The following CCAR2 variants were observed in gnomAD, a reference collection of about 807,000 sequenced individuals.
CCAR2 encodes cell cycle and apoptosis regulator 2.
In CCAR2, 21 loss-of-function variants were observed where a neutral mutation model predicts 108.1. That is an observed-to-expected ratio of 0.19 (90% confidence interval 0.14 to 0.28). The LOEUF is 0.28. Ranked by LOEUF, CCAR2 falls within the 10% of genes least tolerant of loss-of-function variation. The pLI, the probability that CCAR2 is intolerant of heterozygous loss-of-function variation, is 1.00. For synonymous variants in CCAR2, 577 were observed against 472.8 expected, an observed-to-expected ratio of 1.22 and a Z score of -2.86; for missense variants, 1,126 against 1,177.0, an observed-to-expected ratio of 0.96 and a Z score of 0.63.
chr8:22,607,467 G>GTTTT (rs34256757), intron 6 of CCAR2, 142 bp downstream of exon 6: 151 of 403,696 alleles, frequency 3.7e-4, no homozygotes, highest in Middle Eastern at 1.1e-3. Context: ...GGTGTTTAGG[G>GTTTT]TTTTTTTTTT....
chr8:22,607,208 T>A lies in CCAR2; in HGVS notation c.370T>A (p.Ser124Thr). 2 of 1,613,886 alleles carry A rather than the reference T, an allele frequency of 1.2e-6. No individual in the cohort carries two copies. Among genetic ancestry groups the A allele is most frequent in the South Asian group, 2.2e-5 (2 of 91,056 alleles). Reference sequence around the variant, plus strand: ...TCCTGTTCTGCAGCCCCTACTGAAGTCCCCAGCACCTCCTCTTCTGCATGT... The same window carrying A: ...TCCTGTTCTGCAGCCCCTACTGAAGACCCCAGCACCTCCTCTTCTGCATGT... ...QTLSNQPLLK[S>T]PAPPLLHVAA... Residue 124 changes from serine (S) to threonine (T), a missense_variant, in exon 6 of 21, where the codon TCC (serine) becomes ACC (threonine). Around this residue, in one of 4 missense-constraint regions of CCAR2, gnomAD observed 44 missense variants for 63.4 expected, o/e 0.69. Coordinates refer to ENST00000308511, the MANE Select transcript of CCAR2 (RefSeq NM_001393997.1).
chr8:22,615,443 T>A lies in CCAR2; in HGVS notation c.1224T>A (p.Phe408Leu), dbSNP rs748733349. 28 of 1,613,562 alleles carry A rather than the reference T, an allele frequency of 1.7e-5. No individual in the cohort carries two copies. Among genetic ancestry groups the A allele is most frequent in the Non-Finnish European group, 2.3e-5 (27 of 1,179,934 alleles). ...TGTGCAGGTGGCGCTTTGCCGAGTT[T>A]CAGTACCTGCAGCCGGGACCCCCCC... ...GCTKWWRFAE[F>L]QYLQPGPPRR... The change falls in exon 12 of 21, where the codon TTT becomes TTA. Residue 408 changes from phenylalanine to leucine, a missense_variant. Phe to Leu is a conservative substitution (Grantham distance 22). Around this residue, in one of 4 missense-constraint regions of CCAR2, gnomAD observed 1,013 missense variants for 993.9 expected, o/e 1.02. Transcript: ENST00000308511.
chr8:22,618,575 T>TCGGGGA, intron 17 of CCAR2, 42 bp from the exon 18 acceptor site: 2 of 1,613,538 alleles, frequency 1.2e-6, no homozygotes, highest in Non-Finnish European at 1.7e-6. Flanking sequence ...ATGGCCAGGG[T>TCGGGGA]CGGGGACGGG....
intron 1 of CCAR2, 146 bp from the exon 2 acceptor site, chr8:22,605,590 A>G (rs1346209201): frequency 2.1e-5 from 13 of 607,046 alleles, no homozygotes; most frequent in East Asian, 5.4e-5. Flanking sequence ...TTTCTTCTCT[A>G]TATTCTCTCC....
Position 22,620,078 on chromosome 8 carries a change from A to G in CCAR2, c.*396A>G. ...CTGATGTCAGTGAACGGAACTGAAG[A>G]GCAAGACATGGAGCCTGGCTGGGGC... On this transcript the variant is annotated 3_prime_UTR_variant, in exon 21 of 21. Coordinates refer to ENST00000308511, the MANE Select transcript of CCAR2 (RefSeq NM_001393997.1). 1 of 202,818 alleles carries G rather than the reference A, an allele frequency of 4.9e-6. No individual in the cohort carries two copies. Among genetic ancestry groups the G allele is most frequent in the Non-Finnish European group, 1.0e-5 (1 of 97,484 alleles). The allele number at this position is 202,818 out of a possible 1,614,324, so 12.6% of individuals were successfully genotyped here.
At chr8:22,619,432 G>T (rs772550104) in intron 20 of CCAR2, 77 bp downstream of exon 20, 1 of 1,499,094 alleles carries the variant, frequency 6.7e-7, no homozygotes, top group Admixed American at 2.0e-5. Flanking sequence ...GCGCTTGCCC[G>T]TGTCGGGAGT....
rs143313961 is a variant in CCAR2, at chr8:22,615,834, C to T, written c.1530C>T (p.Ile510=). Residue 510 remains isoleucine (I), a synonymous_variant, in exon 13 of 21, where the codon ATC becomes ATT. Coordinates refer to ENST00000308511, the MANE Select transcript of CCAR2 (RefSeq NM_001393997.1). ...CACCCCCCCTAGAACCTGCTGTCAT[C>T]GCACGCCCTGGCTGTGTAAACCTGT... is the stretch of plus-strand genomic sequence containing the variant. The part of the protein sequence containing the change: ...APPPPLEPAV[I]ARPGCVNLSL... 4.6e-4 allele frequency: 736 copies of T among 1,613,964 alleles called. 7 individuals are homozygous for T. The African/African-American group carries it at 6.6e-3, about 15-fold the overall frequency.
At chr8:22,606,032 C>G in intron 2 of CCAR2, 53 bp from the exon 3 acceptor site, 3 of 1,506,542 alleles carry the variant, frequency 2.0e-6, no homozygotes, top group Non-Finnish European at 2.8e-6. Flanking sequence ...TTGGTTGACT[C>G]GTGCTTAAGG....
chr8:22,618,052 T>TG, intron 16 of CCAR2: 1 of 588,796 alleles, frequency 1.7e-6, no homozygotes. Context: ...AAGGCTGGCT[T>TG]GGGCGTGATG....
In CCAR2 at chr8:22,619,836, C is replaced by G. The variant is rs1801693459; in HGVS notation, c.*154C>G. The G allele has an allele frequency of 2.7e-6, 2 of 751,804 alleles. No individual in the cohort carries two copies. Among genetic ancestry groups the G allele is most frequent in the Admixed American group, 2.2e-5 (1 of 46,218 alleles). The allele number at this position is 751,804 out of a possible 1,614,324, so 46.6% of individuals were successfully genotyped here. On this transcript the variant is annotated 3_prime_UTR_variant, in exon 21 of 21. Coordinates refer to ENST00000308511, the MANE Select transcript of CCAR2 (RefSeq NM_001393997.1). ...CAGCCTCTAGGGGACGGCAGGCCAT[C>G]AGGCTGGGGGCTGTGCTATGTGGGA...
rs201360936 is a variant in CCAR2 at position 22,619,683 on chromosome 8, C to T, written c.*1C>T. The T allele has an allele frequency of 3.9e-5, 61 of 1,567,328 alleles. No individual in the cohort carries two copies. Among genetic ancestry groups the T allele is most frequent in the Middle Eastern group, 1.7e-4 (1 of 5,726 alleles). ...GGAGGAGCCGGCACCTAGCAACTGA[C>T]GGCCTCGCACGGAACTGCCATCCTG... On this transcript the variant is annotated 3_prime_UTR_variant, in exon 21 of 21. Transcript: ENST00000308511.
rs376772421 is a variant in CCAR2, at chr8:22,619,006, C to A, written c.2512C>A (p.Leu838Met). 5 of 1,613,054 alleles carry A rather than the reference C, an allele frequency of 3.1e-6. No homozygotes were observed. The highest frequency in any genetic ancestry group is 4.2e-6 in the Non-Finnish European group (5 of 1,179,772). The change falls in exon 19 of 21, where the codon CTG becomes ATG. Residue 838 changes from leucine to methionine, a missense_variant. This residue lies in a region of CCAR2 where 1,013 missense variants were observed against 993.9 expected (regional missense o/e 1.02). Transcript: ENST00000308511. ...YLENKIHTLE[L>M]KLEESHNRFS... is the part of the protein sequence containing the mutation. ...AGAGAACAAGATCCACACACTGGAG[C>A]TGAAGCTGGGTGAGGGCCTGGGGCT...
In CCAR2 at chr8:22,606,595, C is replaced by T. The variant is rs1221557408; in HGVS notation, c.151-12C>T. On this transcript the variant is annotated splice_polypyrimidine_tract_variant and intron_variant, in intron 3 of 20. Transcript: ENST00000308511. Reference sequence around the variant, plus strand: ...CTCCCTTTTACTTTTCAGCTGTCTCCTTCTCTTACAGGGTGGGGAGAAACA... The same window carrying T: ...CTCCCTTTTACTTTTCAGCTGTCTCTTTCTCTTACAGGGTGGGGAGAAACA... 5 of 1,608,790 alleles carry T rather than the reference C, an allele frequency of 3.1e-6. No homozygotes were observed. In the Admixed American group the frequency reaches 6.7e-5, roughly 21 times the overall value.
chr8:22,617,396 T>C (rs200842343), intron 14 of CCAR2, 24 bp from the exon 15 acceptor site: 1 of 1,522,354 alleles, frequency 6.6e-7, no homozygotes, highest in Non-Finnish European at 8.8e-7. Context: ...GCCTTTTCCT[T>C]ATAACCTTTG....
At chr8:22,614,341 T>C (rs184483324) in intron 9 of CCAR2, 27 bp downstream of exon 9, 178 of 1,613,960 alleles carry the variant, frequency 1.1e-4, no homozygotes, top group Admixed American at 5.2e-4. Flanking sequence ...CTCTCACTTA[T>C]CTGATTTCTG....
intron 1 of CCAR2, 190 bp from the exon 2 acceptor site, chr8:22,605,546 C>T (rs541442626): frequency 3.1e-5 from 18 of 575,890 alleles, no homozygotes; most frequent in African/African-American, 7.5e-5. Flanking sequence ...ATTGTCAGGG[C>T]AAACTGGAAC....
At chr8:22,621,307 A>G, downstream of CCAR2, 1 of 1,374,296 alleles carries the variant, frequency 7.3e-7, no homozygotes. Flanking sequence ...AAGGGCCGGC[A>G]AGTGAACCAG....
intron 7 of CCAR2, among the ~76,000 whole-genome samples, chr8:22,608,489 A>G (rs944433626): frequency 6.6e-6 from 1 of 152,190 alleles, no homozygotes; most frequent in Non-Finnish European, 1.5e-5. Flanking sequence ...CACCATACTC[A>G]TCAGTATGCT....
rs1476372772 is a variant in CCAR2, at chr8:22,615,423, A to G, written c.1206-2A>G. ...GTTAGTACCTCCTTTTGCCATGTGC[A>G]GGTGGCGCTTTGCCGAGTTTCAGTA... On this transcript the variant is annotated splice_acceptor_variant, in intron 11 of 20. Transcript: ENST00000308511. LOFTEE classifies it high-confidence loss of function. The G allele has an allele frequency of 6.2e-7, 1 of 1,612,914 alleles. No individual in the cohort carries two copies. Among genetic ancestry groups the G allele is most frequent in the Non-Finnish European group, 8.5e-7 (1 of 1,179,462 alleles).
Sources: allele counts gnomAD v4.1 joint callset (sites outside exome capture counted in the v4.1 genomes callset), GRCh38; gene constraint gnomAD v4.1.1; regional missense constraint gnomAD v4.1.1; transcripts MANE v1.5; gene names NCBI Gene and HGNC (gene_info 2026-07-23, HGNC 2026-07-21).